Variants in CPN1 observed in about 807,000 individuals in gnomAD.
The protein encoded by CPN1 is carboxypeptidase N catalytic chain.
Under a neutral mutation model 46.4 loss-of-function variants are expected in CPN1, and 37 were observed. The ratio of observed to expected loss-of-function variants is 0.80; its 90% CI spans 0.61 to 1.05. The LOEUF is 1.05. Among genes scored for constraint, CPN1 ranks in the 50% least tolerant of loss-of-function variants. CPN1 has a pLI of 0.00. For missense variants in CPN1, 563 were observed against 602.6 expected (o/e 0.93, Z 0.69); for synonymous variants, 224 against 235.4 (o/e 0.95, Z 0.44).
intron 6 of CPN1, among the ~76,000 whole-genome samples, chr10:100,056,755 T>C (rs1461704664): frequency 5.9e-5 from 9 of 151,706 alleles, no homozygotes; most frequent in Admixed American, 5.9e-4. Context: ...TCTAGCTATG[T>C]TGCCCAGGCT....
At chr10:100,065,455 GC>G in intron 3 of CPN1, 85 bp from the exon 4 acceptor site, 1 of 1,430,706 alleles carries the variant, frequency 7.0e-7, no homozygotes, top group Non-Finnish European at 9.7e-7. Context: ...TCAGGAAGTG[GC>G]CTGAGGAGAT....
chr10:100,046,323 C>T (rs971805551), intron 8 of CPN1, among the ~76,000 whole-genome samples: 1 of 152,158 alleles, frequency 6.6e-6, no homozygotes, highest in Non-Finnish European at 1.5e-5. Context: ...ACAGTCTAGG[C>T]GGAGGGAGCA....
chr10:100,044,920 A>C (rs183131404), intron 8 of CPN1, among the ~76,000 whole-genome samples: 77 of 152,330 alleles, frequency 5.1e-4, no homozygotes, highest in Non-Finnish European at 9.4e-4. Context: ...CATGTTGGCC[A>C]GGCTGGTCTC....
In CPN1 at chr10:100,051,297, C is replaced by T. The variant is rs564877340; in HGVS notation, c.1112-2421G>A. ...AATGTCTGTAATTTACTTTAAAATA[C>T]TTCAGCAAAGTACATGTGTTGGATA... is the stretch of plus-strand genomic sequence containing the variant. On this transcript the variant is annotated intron_variant, in intron 7 of 8. Transcript: ENST00000370418. Among the ~76,000 whole-genome samples, 60 of 152,202 alleles carry T rather than the reference C, an allele frequency of 3.9e-4. 6 individuals are homozygous for T. The South Asian group carries it at 0.011, about 28-fold the overall frequency.
chr10:100,062,597 C>CT (rs66611005), intron 5 of CPN1, among the ~76,000 whole-genome samples: 68,605 of 141,760 alleles, frequency 0.48, 17,387 homozygotes, highest in African/African-American at 0.64. Flanking sequence ...AGTATTCTTT[C>CT]TTTTTTTTTT....
intron 5 of CPN1, among the ~76,000 whole-genome samples, chr10:100,059,441 TG>T (rs2041404666): frequency 6.6e-6 from 1 of 151,992 alleles, no homozygotes; most frequent in Non-Finnish European, 1.5e-5. Context: ...ATTTTTTAAA[TG>T]GGCAAAGGAC....
In CPN1 at chr10:100,042,606, G is replaced by A. The variant is rs202078711; in HGVS notation, c.1231-33C>T. ...AAAAAAAGCAGGAGCTACGAGATCC[G>A]TTTGGACCATCTTTTGCCATAGTTC... On this transcript the variant is annotated intron_variant, in intron 8 of 8. Coordinates refer to ENST00000370418, the MANE Select transcript of CPN1 (RefSeq NM_001308.3). 1,401 of 1,613,062 alleles carry A rather than the reference G, an allele frequency of 8.7e-4. 1 individual carries two copies. The highest frequency in any genetic ancestry group is 1.1e-3 in the Non-Finnish European group (1,306 of 1,179,766).
rs3750717 is a variant in CPN1 at position 100,065,197 on chromosome 10, G to A, written c.750C>T (p.Leu250=). The change falls in exon 4 of 9, where the codon CTC becomes CTT. Residue 250 remains leucine, a synonymous_variant. Coordinates refer to ENST00000370418, the MANE Select transcript of CPN1 (RefSeq NM_001308.3). The part of the protein sequence containing the change: ...TASTPTPDDK[L]FQKLAKVYSY... ...CTGCTTCTCCACATACCTTCTGGAA[G>A]AGCTTGTCGTCAGGCGTGGGGGTGC... 0.024 allele frequency: 37,959 copies of A among 1,613,040 alleles called. 946 individuals carry two copies. The highest frequency in any genetic ancestry group is 0.11 in the African/African-American group (8,010 of 74,966).
At chr10:100,066,979 C>G (rs2041458025) in intron 3 of CPN1, among the ~76,000 whole-genome samples, 1 of 152,158 alleles carries the variant, frequency 6.6e-6, no homozygotes, top group South Asian at 2.1e-4. Flanking sequence ...TTGCTTTTCC[C>G]CCTAAAATTT....
Position 100,063,690 on chromosome 10 carries a change from C to T in CPN1, c.795G>A (p.Met265Ile), listed in dbSNP as rs1028407115. 3.1e-6 allele frequency: 5 copies of T among 1,613,954 alleles called. No homozygotes were observed. The highest frequency in any genetic ancestry group is 3.4e-6 in the Non-Finnish European group (4 of 1,180,022). ...AKVYSYAHGW[M>I]FQGWNCGDYF... is the part of the protein sequence containing the mutation. ...AATCTCCGCAGTTCCAACCTTGGAA[C>T]ATCCATCCATGTGCATAGGAGTAGA... The change falls in exon 5 of 9, where the codon ATG becomes ATA. Residue 265 changes from methionine (M) to isoleucine (I), a missense_variant. Coordinates refer to ENST00000370418, the MANE Select transcript of CPN1 (RefSeq NM_001308.3).
intron 5 of CPN1, among the ~76,000 whole-genome samples, chr10:100,057,587 G>C (rs113700772): frequency 1.3e-5 from 2 of 152,200 alleles, no homozygotes; most frequent in African/African-American, 2.4e-5. Context: ...GACCAGTAAG[G>C]GGGGAAATAG....
chr10:100,065,386 A>G lies in CPN1; in HGVS notation c.577-16T>C. 1 of 1,613,866 alleles carries G rather than the reference A, an allele frequency of 6.2e-7. No individual in the cohort carries two copies. On this transcript the variant is annotated splice_polypyrimidine_tract_variant and intron_variant, in intron 3 of 8. Transcript: ENST00000370418. Reference sequence around the variant, plus strand: ...CGGGTTCCACCTGGGAGGAGGCGAGAGGTTGGCGGTGAAGGGCCAACTGGG... The same window carrying G: ...CGGGTTCCACCTGGGAGGAGGCGAGGGGTTGGCGGTGAAGGGCCAACTGGG...
chr10:100,054,226 C>A (rs561817810), intron 7 of CPN1, 121 bp downstream of exon 7: 26 of 771,416 alleles, frequency 3.4e-5, no homozygotes, highest in South Asian at 1.3e-4. Flanking sequence ...CCATCCCCCC[C>A]ACTCCCAGCA....
At chr10:100,043,550 G>A (rs1396790745) in intron 8 of CPN1, among the ~76,000 whole-genome samples, 1 of 152,158 alleles carries the variant, frequency 6.6e-6, no homozygotes, top group Non-Finnish European at 1.5e-5. Context: ...CCATGCTCAG[G>A]CATGCCAGTA....
intron 5 of CPN1, among the ~76,000 whole-genome samples, chr10:100,060,293 G>A (rs1346572242): frequency 6.6e-6 from 1 of 152,186 alleles, no homozygotes; most frequent in African/African-American, 2.4e-5. Context: ...TGGGCATGGT[G>A]GCTCATGCCT....
chr10:100,058,171 GT>G (rs1486023015), intron 5 of CPN1, among the ~76,000 whole-genome samples: 4 of 151,318 alleles, frequency 2.6e-5, no homozygotes, highest in East Asian at 3.9e-4. Context: ...CATCCTTTAT[GT>G]TTTTTTTCCA....
At chr10:100,064,249 T>A (rs2041439000) in intron 4 of CPN1, among the ~76,000 whole-genome samples, 1 of 152,032 alleles carries the variant, frequency 6.6e-6, no homozygotes, top group Non-Finnish European at 1.5e-5. Flanking sequence ...CTATTTACTA[T>A]ACAGTGGACA....
Position 100,065,250 on chromosome 10 carries a change from G to A in CPN1, c.697C>T (p.Arg233Trp), listed in dbSNP as rs1276886982. Reference protein sequence around the residue: ...NYPYDKSFEHRVRGVRRTAST... With the variant: ...NYPYDKSFEHWVRGVRRTAST... ...GCGGTGCGGCGGACCCCTCGGACCC[G>A]GTGCTCAAAGGACTTGTCATACGGG... Residue 233 changes from arginine to tryptophan, a missense_variant, in exon 4 of 9, where the codon CGG becomes TGG. Arg to Trp is a moderately radical substitution (Grantham distance 101, BLOSUM62 -3). Coordinates refer to ENST00000370418, the MANE Select transcript of CPN1 (RefSeq NM_001308.3). The A allele has an allele frequency of 3.1e-6, 5 of 1,614,020 alleles. No individual in the cohort carries two copies. The highest frequency in any genetic ancestry group is 2.2e-5 in the East Asian group (1 of 44,896).
At chr10:100,058,178 T>C (rs2041396234) in intron 5 of CPN1, among the ~76,000 whole-genome samples, 1 of 152,234 alleles carries the variant, frequency 6.6e-6, no homozygotes, top group South Asian at 2.1e-4. Context: ...TATGTTTTTT[T>C]TCCATTTCAT....
Sources: gnomAD v4.1 joint callset for allele counts (sites outside exome capture counted in the v4.1 genomes callset) on GRCh38, gnomAD v4.1.1 for gene constraint, MANE v1.5 for transcripts, NCBI Gene and HGNC (gene_info 2026-07-23, HGNC 2026-07-21) for gene names.